The following SLC22A5 variants were observed in gnomAD, a reference collection of about 807,000 sequenced individuals.
SLC22A5 encodes organic cation/carnitine transporter 2.
In SLC22A5, 44 loss-of-function variants were observed where a neutral mutation model predicts 56.7. The ratio of observed to expected loss-of-function variants is 0.78; its 90% CI spans 0.61 to 1.00. The LOEUF is 1.00. SLC22A5 is among the 50% of genes least tolerant of loss of function. The pLI is 0.00. For synonymous variants in SLC22A5, 278 were observed against 292.1 expected (o/e 0.95, Z 0.49); for missense variants, 675 against 723.0 (o/e 0.93, Z 0.76).
chr5:132,389,888 C>T (rs1373134985), intron 6 of SLC22A5: 1 of 154,466 alleles, frequency 6.5e-6, no homozygotes, highest in Non-Finnish European at 1.4e-5. Flanking sequence ...GATGAGTCAC[C>T]CACTTTTGTG....
chr5:132,394,063 C>T, intron 9 of SLC22A5, 122 bp from the exon 10 acceptor site: 1 of 819,922 alleles, frequency 1.2e-6, no homozygotes, highest in Admixed American at 2.0e-5. Context: ...CTAGAAGAAA[C>T]CTTTCAGAAT....
At chr5:132,374,978 C>T (rs1442168448) in intron 1 of SLC22A5, among the ~76,000 whole-genome samples, 1 of 152,020 alleles carries the variant, frequency 6.6e-6, no homozygotes, top group Non-Finnish European at 1.5e-5. Flanking sequence ...CACTTGAACC[C>T]AGGAGGTGGA....
chr5:132,373,459 A>T (rs992057720), intron 1 of SLC22A5, among the ~76,000 whole-genome samples: 2 of 152,160 alleles, frequency 1.3e-5, no homozygotes, highest in Non-Finnish European at 2.9e-5. Context: ...AACATGGTGA[A>T]ACTCCATCTC....
intron 5 of SLC22A5, among the ~76,000 whole-genome samples, chr5:132,388,120 C>T (rs4646306): frequency 3.9e-4 from 60 of 152,272 alleles, no homozygotes; most frequent in East Asian, 3.1e-3. Flanking sequence ...GGGTCCTGTG[C>T]GCAAAGGTCA....
At position 132,384,193 on chromosome 5, in the gene SLC22A5, G is replaced by T. The variant is rs1447298044; in HGVS notation, c.544G>T (p.Gly182Cys). ...GTTCGTGACCATGGGCATGCAGACA[G>T]GCTTCAGCTTCCTGCAGATCTTCTC... ...VLFVTMGMQT[G>C]FSFLQIFSKN... Residue 182 changes from glycine to cysteine, a missense_variant, in exon 3 of 10, where the codon GGC (glycine) becomes TGC (cysteine). Physicochemically the swap from Gly to Cys is radical, Grantham distance 159. Transcript: ENST00000245407. 1 of 1,614,136 alleles carries T rather than the reference G, an allele frequency of 6.2e-7. No homozygotes were observed. The highest frequency in any genetic ancestry group is 8.5e-7 in the Non-Finnish European group (1 of 1,180,050).
Position 132,384,132 on chromosome 5 carries a change from T to C in SLC22A5, c.498-15T>C. 1 of 1,614,090 alleles carries C rather than the reference T, an allele frequency of 6.2e-7. No homozygotes were observed. Among genetic ancestry groups the C allele is most frequent in the Non-Finnish European group, 8.5e-7 (1 of 1,180,008 alleles). Reference sequence around the variant, plus strand: ...TTTTCCAGCTGGTTATCTGTCACTCTCCTTTTCTTCCCAGGTTTGGCCGGA... The same window carrying C: ...TTTTCCAGCTGGTTATCTGTCACTCCCCTTTTCTTCCCAGGTTTGGCCGGA... On this transcript the variant is annotated splice_polypyrimidine_tract_variant and intron_variant, in intron 2 of 9. Coordinates refer to ENST00000245407, the MANE Select transcript of SLC22A5 (RefSeq NM_003060.4).
chr5:132,370,646 T>A (rs1319911331), intron 1 of SLC22A5, among the ~76,000 whole-genome samples: 9 of 152,186 alleles, frequency 5.9e-5, no homozygotes, highest in Non-Finnish European at 8.8e-5. Context: ...TGGCGGTCCC[T>A]GGGCGATGCT....
intron 1 of SLC22A5, among the ~76,000 whole-genome samples, chr5:132,374,219 CA>C (rs149958810): frequency 7.0e-4 from 97 of 139,498 alleles, no homozygotes; most frequent in Middle Eastern, 3.5e-3. Context: ...GACTCCGTCT[CA>C]AAAAAAAAAA....
rs931182678 is a variant in SLC22A5 at position 132,390,964 on chromosome 5, G to A, written c.1267+60G>A. 4 of 1,346,550 alleles carry A rather than the reference G, an allele frequency of 3.0e-6. No individual in the cohort carries two copies. The African/African-American group carries it at 4.3e-5, about 14-fold the overall frequency. 83.4% of individuals were successfully genotyped at this position (1,346,550 alleles called of 1,614,324 possible). On this transcript the variant is annotated intron_variant, in intron 7 of 9. Transcript: ENST00000245407. ...CACTGAGTCTCTTACTGTCTACCAG[G>A]CTGTCTCAATTAATAAAGAGAATAA...
intron 6 of SLC22A5, chr5:132,390,482 G>A: frequency 1.6e-6 from 1 of 639,680 alleles, no homozygotes; most frequent in Non-Finnish European, 2.8e-6. Flanking sequence ...AGAGCGCACT[G>A]GCGCAGGGTT....
At chr5:132,388,485 T>A (rs1283816939) in intron 5 of SLC22A5, among the ~76,000 whole-genome samples, 5 of 152,172 alleles carry the variant, frequency 3.3e-5, no homozygotes. Flanking sequence ...CTACATAGTA[T>A]AAGGACTCAA....
rs113656768 is a variant in SLC22A5 at position 132,384,240 on chromosome 5, C to G, written c.591C>G (p.Val197=). 1.2e-6 allele frequency: 2 copies of G among 1,614,090 alleles called. No homozygotes were observed. The highest frequency in any genetic ancestry group is 1.7e-6 in the Non-Finnish European group (2 of 1,180,050). Residue 197 remains valine (V), a synonymous_variant, in exon 3 of 10, where the codon GTC becomes GTG. Coordinates refer to ENST00000245407, the MANE Select transcript of SLC22A5 (RefSeq NM_003060.4). Reference sequence around the variant, plus strand: ...TCTCGAAGAATTTTGAGATGTTTGTCGTGCTGTTTGTCCTTGTAGGCATGG... The same window carrying G: ...TCTCGAAGAATTTTGAGATGTTTGTGGTGCTGTTTGTCCTTGTAGGCATGG... The part of the protein sequence containing the change: ...QIFSKNFEMF[V]VLFVLVGMGQ...
At position 132,370,094 on chromosome 5, in the gene SLC22A5, T is replaced by G. The variant is rs1335556134; in HGVS notation, c.122T>G (p.Phe41Cys). Residue 41 changes from phenylalanine to cysteine, a missense_variant, in exon 1 of 10, where the codon TTC becomes TGC. Physicochemically the swap from Phe to Cys is radical, Grantham distance 205 (BLOSUM62 -2). Transcript: ENST00000245407. ...GGCTTCACCGGCCTGTCCTCCGTGT[T>G]CCTGATAGCGACCCCGGAGCACCGC... Reference protein sequence around the residue: ...PNGFTGLSSVFLIATPEHRCR... With the variant: ...PNGFTGLSSVCLIATPEHRCR... 15 of 1,612,544 alleles carry G rather than the reference T, an allele frequency of 9.3e-6. No individual in the cohort carries two copies. Among genetic ancestry groups the G allele is most frequent in the Non-Finnish European group, 1.3e-5 (15 of 1,179,616 alleles).
intron 1 of SLC22A5, among the ~76,000 whole-genome samples, chr5:132,371,005 C>G (rs1432120221): frequency 1.4e-5 from 2 of 143,080 alleles, no homozygotes; most frequent in Non-Finnish European, 3.0e-5. Context: ...GGAGCGCAGT[C>G]GTGTGTTCTT....
intron 4 of SLC22A5, among the ~76,000 whole-genome samples, chr5:132,386,123 G>A (rs1049545464): frequency 4.6e-5 from 7 of 152,230 alleles, no homozygotes; most frequent in Non-Finnish European, 1.0e-4. Context: ...AGGGTGGGGG[G>A]CGGCTACCTG....
intron 1 of SLC22A5, among the ~76,000 whole-genome samples, chr5:132,373,387 A>G (rs1270418859): frequency 6.6e-6 from 1 of 152,260 alleles, no homozygotes; most frequent in Non-Finnish European, 1.5e-5. Flanking sequence ...CTGTAATCCC[A>G]GCACTTTGGG....
At chr5:132,386,922 T>C (rs1310124090) in intron 4 of SLC22A5, 103 bp from the exon 5 acceptor site, 13 of 1,241,402 alleles carry the variant, frequency 1.0e-5, no homozygotes, top group Admixed American at 6.7e-5. Flanking sequence ...TTCCACAAGC[T>C]CTGGTTCTGC....
In SLC22A5 at chr5:132,393,546, C is replaced by T. The variant is rs2126792473; in HGVS notation, c.1451-130C>T. ...GATGCCAGATTCTAATCTGACTGCT[C>T]AGACTGTGAGAGATGTGAGACCAAG... On this transcript the variant is annotated intron_variant, in intron 8 of 9. Coordinates refer to ENST00000245407, the MANE Select transcript of SLC22A5 (RefSeq NM_003060.4). 7 of 1,132,196 alleles carry T rather than the reference C, an allele frequency of 6.2e-6. No individual in the cohort carries two copies. In the East Asian group the frequency reaches 1.4e-4, roughly 23 times the overall value. The allele number at this position is 1,132,196 out of a possible 1,614,324, so 70.1% of individuals were successfully genotyped here. A position where few individuals can be genotyped will look rare whatever the true frequency, so the allele number is the denominator to read the frequency against.
intron 2 of SLC22A5, chr5:132,381,658 GT>G (rs779904195): frequency 2.6e-5 from 4 of 152,198 alleles, no homozygotes; most frequent in Non-Finnish European, 4.4e-5. Context: ...GTACTCCTGG[GT>G]TGTCAAAGCC....
Sources: gnomAD v4.1 joint callset for allele counts (sites outside exome capture counted in the v4.1 genomes callset) on GRCh38, gnomAD v4.1.1 for gene constraint, MANE v1.5 for transcripts, NCBI Gene and HGNC (gene_info 2026-07-23, HGNC 2026-07-21) for gene names.